GPC2: variants seen among roughly 807,000 people sequenced by gnomAD.
The protein encoded by GPC2 is glypican-2.
Under a neutral mutation model 57.3 loss-of-function variants are expected in GPC2, and 42 were observed. The observed-to-expected ratio is 0.73, with a 90% CI of 0.57 to 0.95. GPC2 has a LOEUF of 0.95. GPC2 is among the 40% of genes least tolerant of loss of function. The probability of loss-of-function intolerance (pLI) is 0.00; values close to 1 mark genes in which losing one functional copy is unlikely to be tolerated. For missense variants in GPC2, 745 were observed against 793.6 expected, an observed-to-expected ratio of 0.94 and a Z score of 0.74; for synonymous variants, 364 against 343.4, an observed-to-expected ratio of 1.06 and a Z score of -0.66.
chr7:100,171,547 C>T lies in GPC2; in HGVS notation c.1302G>A (p.Gly434=). The T allele has an allele frequency of 2.1e-6, 3 of 1,454,704 alleles. No homozygotes were observed. Among genetic ancestry groups the T allele is most frequent in the Non-Finnish European group, 1.8e-6 (2 of 1,111,072 alleles). 90.1% of individuals were successfully genotyped at this position (1,454,704 alleles called of 1,614,324 possible). A position where few individuals can be genotyped will look rare whatever the true frequency, so the allele number is the denominator to read the frequency against. ...LEAAPCWTGA[G]RGRYLPPVVG... is the part of the protein sequence containing the mutation. ...ACGCCCCCGAGGCTCACCGGCCCCG[C>T]CCGGCTCCGGTCCAGCAGGGCGCCG... Residue 434 remains glycine (G), a synonymous_variant, in exon 8 of 10, where the codon GGG becomes GGA. Coordinates refer to ENST00000292377, the MANE Select transcript of GPC2 (RefSeq NM_152742.3). The surrounding 1 kb of genome is among the most constrained non-coding windows in gnomAD (Gnocchi z 4.8).
chr7:100,176,452 C>A, intron 1 of GPC2, 87 bp from the exon 2 acceptor site: 1 of 1,228,506 alleles, frequency 8.1e-7, no homozygotes. Flanking sequence ...ACTATGCCTT[C>A]TCTTCTACCT....
At chr7:100,175,490 C>T (rs1173893224) in intron 3 of GPC2, 82 bp downstream of exon 3, 37 of 1,137,264 alleles carry the variant, frequency 3.3e-5, no homozygotes, top group South Asian at 5.9e-5. Context: ...GACTGGAGCA[C>T]GCCAGTTTGG....
chr7:100,171,406 CG>C lies in GPC2; in HGVS notation c.1340del (p.Pro447ArgfsTer35), dbSNP rs1472479867. The C allele has an allele frequency of 2.0e-6, 3 of 1,488,182 alleles. No individual in the cohort carries two copies. The highest frequency in any genetic ancestry group is 1.9e-4 in the Middle Eastern group (1 of 5,322). 92.2% of individuals were successfully genotyped at this position (1,488,182 alleles called of 1,614,324 possible). On this transcript the variant is annotated frameshift_variant, in exon 9 of 10. Transcript: ENST00000292377. LOFTEE classifies it high-confidence loss of function. The surrounding 1 kb of genome is among the most constrained non-coding windows in gnomAD (Gnocchi z 4.8). The stretch of plus-strand genomic sequence containing the variant: ...GCTCGGGGTTGTTGACCTGCTCGGC[CG>C]GGGAGCCCCCGACCACTGGCGGCAA... ...RYLPPVVGGS[P>X]AEQVNNPELK...
At chr7:100,173,252 G>A (rs1799213580) in intron 5 of GPC2, among the ~76,000 whole-genome samples, 1 of 152,094 alleles carries the variant, frequency 6.6e-6, no homozygotes, top group African/African-American at 2.4e-5. Flanking sequence ...TTACAAGCGT[G>A]AGCCACCGTG....
Position 100,171,446 on chromosome 7 carries a change from G to A in GPC2, c.1311-10C>T, listed in dbSNP as rs767153623. 1 of 1,398,116 alleles carries A rather than the reference G, an allele frequency of 7.2e-7. No individual in the cohort carries two copies. The highest frequency in any genetic ancestry group is 9.2e-7 in the Non-Finnish European group (1 of 1,081,248). 86.6% of individuals were successfully genotyped at this position (1,398,116 alleles called of 1,614,324 possible). Reference sequence around the variant, plus strand: ...CACTGGCGGCAAGTACCTGCGAGCAGAGCAGCCCCGAAGCGCCAGCTAGCG... The same window carrying A: ...CACTGGCGGCAAGTACCTGCGAGCAAAGCAGCCCCGAAGCGCCAGCTAGCG... On this transcript the variant is annotated splice_polypyrimidine_tract_variant and intron_variant, in intron 8 of 9. Transcript: ENST00000292377. The surrounding 1 kb of genome is among the most constrained non-coding windows in gnomAD (Gnocchi z 4.8).
chr7:100,176,946 T>C (rs1799302729), intron 1 of GPC2, 88 bp downstream of exon 1: 1 of 979,982 alleles, frequency 1.0e-6, no homozygotes, highest in Non-Finnish European at 1.5e-6. Flanking sequence ...TAACGGTCAC[T>C]CTGAAAAGGA....
In GPC2 at chr7:100,171,536, C is replaced by A; in HGVS notation, c.1310+3G>T. On this transcript the variant is annotated splice_donor_region_variant and intron_variant, in intron 8 of 9. Coordinates refer to ENST00000292377, the MANE Select transcript of GPC2 (RefSeq NM_152742.3). The surrounding 1 kb of genome is among the most constrained non-coding windows in gnomAD (Gnocchi z 4.8). ...GCTGCCCCCCGACGCCCCCGAGGCT[C>A]ACCGGCCCCGCCCGGCTCCGGTCCA... is the stretch of plus-strand genomic sequence containing the variant. The A allele has an allele frequency of 1.4e-6, 2 of 1,430,698 alleles. No individual in the cohort carries two copies. Among genetic ancestry groups the A allele is most frequent in the Non-Finnish European group, 1.8e-6 (2 of 1,098,984 alleles). 88.6% of individuals were successfully genotyped at this position (1,430,698 alleles called of 1,614,324 possible).
intron 9 of GPC2, chr7:100,170,988 AT>A: frequency 8.8e-6 from 2 of 227,470 alleles, no homozygotes; most frequent in Non-Finnish European, 7.8e-6. Flanking sequence ...CCCCTCCCCC[AT>A]TTTCCCACTG....
intron 2 of GPC2, among the ~76,000 whole-genome samples, 153 bp from the exon 3 acceptor site, chr7:100,176,047 G>T (rs1302066172): frequency 6.6e-6 from 1 of 150,886 alleles, no homozygotes; most frequent in Admixed American, 6.6e-5. Context: ...GACAGGGAAT[G>T]GGGGAGGGCA....
chr7:100,172,244 G>T, intron 5 of GPC2, 27 bp from the exon 6 acceptor site: 5 of 1,611,754 alleles, frequency 3.1e-6, no homozygotes, highest in Non-Finnish European at 3.4e-6. Flanking sequence ...AAAGAGAAAG[G>T]ATGGGATGAG....
Position 100,175,457 on chromosome 7 carries a change from T to C in GPC2, c.648+115A>G, listed in dbSNP as rs528860125. 69 of 787,188 alleles carry C rather than the reference T, an allele frequency of 8.8e-5. No homozygotes were observed. In the African/African-American group the frequency reaches 1.1e-3, roughly 13 times the overall value. 48.8% of individuals were successfully genotyped at this position (787,188 alleles called of 1,614,324 possible). A position where few individuals can be genotyped will look rare whatever the true frequency, so the allele number is the denominator to read the frequency against. Reference sequence around the variant, plus strand: ...GGTCAGAAATGGCTTCAATGCAGGATGGGGGATCACCAGGTCAGAGGTGAC... The same window carrying C: ...GGTCAGAAATGGCTTCAATGCAGGACGGGGGATCACCAGGTCAGAGGTGAC... On this transcript the variant is annotated intron_variant, in intron 3 of 9. Transcript: ENST00000292377.
Position 100,171,273 on chromosome 7 carries a change from C to T in GPC2, c.1474G>A (p.Gly492Arg), listed in dbSNP as rs1245826408. 6.5e-7 allele frequency: 1 copy of T among 1,534,422 alleles called. No homozygotes were observed. Among genetic ancestry groups the T allele is most frequent in the Non-Finnish European group, 8.8e-7 (1 of 1,139,472 alleles). ...GCAGGGGTCTCACCCGCGTCCTGCC[C>T]GTCCAGGTCGTGTCCCAGTGCGGCC... ...KTAALGHDLD[G>R]QDADEDASGS... The change falls in exon 9 of 10, where the codon GGG (glycine) becomes AGG (arginine). Residue 492 changes from glycine (G) to arginine (R), a missense_variant. Around this residue, in one of 2 missense-constraint regions of GPC2, gnomAD observed 607 missense variants for 603.9 expected, o/e 1.01. Transcript: ENST00000292377. The surrounding 1 kb of genome is among the most constrained non-coding windows in gnomAD (Gnocchi z 4.8).
Position 100,173,576 on chromosome 7 carries a change from G to A in GPC2, c.892+259C>T, listed in dbSNP as rs184516618. On this transcript the variant is annotated intron_variant, in intron 5 of 9. Coordinates refer to ENST00000292377, the MANE Select transcript of GPC2 (RefSeq NM_152742.3). ...TACAGGCGCGGGCGCTACCATGCCT[G>A]GCTGATTTCTTTCTTTTCTTTCTTT... The A allele has an allele frequency of 1.4e-4, 37 of 266,290 alleles. No homozygotes were observed. In the Admixed American group the frequency reaches 1.6e-3, roughly 11 times the overall value. 16.5% of individuals were successfully genotyped at this position (266,290 alleles called of 1,614,324 possible).
At chr7:100,170,969 C>T in intron 9 of GPC2, 1 of 371,570 alleles carries the variant, frequency 2.7e-6, no homozygotes, top group Non-Finnish European at 4.8e-6. Flanking sequence ...CCAGCCTCCC[C>T]CAAATTGCCC....
intron 5 of GPC2, among the ~76,000 whole-genome samples, chr7:100,173,124 G>A (rs1233522260): frequency 2.0e-5 from 3 of 151,750 alleles, no homozygotes; most frequent in East Asian, 3.9e-4. Flanking sequence ...CACCCACCTC[G>A]GCCTCCCAAA....
Position 100,172,209 on chromosome 7 carries a change from G to C in GPC2, c.901C>G (p.Leu301Val). 6.2e-7 allele frequency: 1 copy of C among 1,613,920 alleles called. No homozygotes were observed. Among genetic ancestry groups the C allele is most frequent in the Non-Finnish European group, 8.5e-7 (1 of 1,179,950 alleles). Reference sequence around the variant, plus strand: ...CCCTGGAGCTTATCAGCCAGGATCAGGAGACCATCTTAAGGGAGGGAGAGA... The same window carrying C: ...CCCTGGAGCTTATCAGCCAGGATCACGAGACCATCTTAAGGGAGGGAGAGA... ...PDWGNYLDGL[L>V]ILADKLQGPF... Residue 301 changes from leucine to valine, a missense_variant, in exon 6 of 10, where the codon CTG becomes GTG. Leu to Val is a conservative substitution (Grantham distance 32). Around this residue, in one of 2 missense-constraint regions of GPC2, gnomAD observed 607 missense variants for 603.9 expected, o/e 1.01. Transcript: ENST00000292377.
intron 4 of GPC2, 122 bp from the exon 5 acceptor site, chr7:100,174,119 G>T: frequency 1.3e-6 from 1 of 789,228 alleles, no homozygotes; most frequent in Non-Finnish European, 1.9e-6. Context: ...GTGACCCCAC[G>T]TGGCAGCAGG....
intron 9 of GPC2, among the ~76,000 whole-genome samples, chr7:100,170,692 G>C (rs968472643): frequency 4.6e-5 from 7 of 151,716 alleles, no homozygotes; most frequent in Non-Finnish European, 1.0e-4. Flanking sequence ...CATGGGGGGA[G>C]AGATCATGAT....
chr7:100,172,800 T>A (rs1415386706), intron 5 of GPC2, among the ~76,000 whole-genome samples: 1 of 148,832 alleles, frequency 6.7e-6, no homozygotes, highest in Non-Finnish European at 1.5e-5. Context: ...TACGTATATA[T>A]ATGTGTGTAT....
Sources: gnomAD v4.1 joint callset for allele counts (sites outside exome capture counted in the v4.1 genomes callset) on GRCh38, gnomAD v4.1.1 for gene constraint, gnomAD v4.1.1 regional missense constraint, Gnocchi (gnomAD v3.1) non-coding constraint, MANE v1.5 for transcripts, NCBI Gene and HGNC (gene_info 2026-07-23, HGNC 2026-07-21) for gene names.